The following TTLL7 variants were observed in gnomAD, a reference collection of about 807,000 sequenced individuals.
The protein encoded by TTLL7 is tubulin tyrosine ligase like 7.
In TTLL7, 53 loss-of-function variants were observed where a neutral mutation model predicts 120.2. The observed-to-expected ratio is 0.44, with a 90% CI of 0.35 to 0.55. The LOEUF (loss-of-function observed/expected upper bound fraction) is 0.55, where lower values mean the gene tolerates loss of function less well. TTLL7 is among the 20% of genes least tolerant of loss of function. TTLL7 has a pLI of 0.00. For missense variants in TTLL7, 803 were observed against 1,054.7 expected (o/e 0.76, Z 3.31); for synonymous variants, 353 against 351.7 (o/e 1.00, Z -0.04).
Position 83,867,748 on chromosome 1 carries a change from G to T in TTLL7, c.*2214C>A, listed in dbSNP as rs1259097534. On this transcript the variant is annotated 3_prime_UTR_variant, in exon 21 of 21. Transcript: ENST00000260505. ...ATCAGACACTTATATATATATTTTT[G>T]TGGCCAAATCATGAATTTAAAAGAA... 5.3e-5 allele frequency: 8 copies of T among 151,886 alleles called. 2 individuals carry two copies. The highest frequency in any genetic ancestry group is 1.9e-4 in the African/African-American group (8 of 41,486). 9.4% of individuals were successfully genotyped at this position (151,886 alleles called of 1,614,324 possible). A position where few individuals can be genotyped will look rare whatever the true frequency, so the allele number is the denominator to read the frequency against.
chr1:83,946,549 TTA>T (rs1261535185), intron 6 of TTLL7: 1 of 152,294 alleles, frequency 6.6e-6, no homozygotes, highest in East Asian at 1.9e-4. Flanking sequence ...TGCTATACTT[TTA>T]TATGATTGGC....
intron 1 of TTLL7, chr1:83,980,544 C>T (rs1432936354): frequency 6.6e-6 from 1 of 152,132 alleles, no homozygotes; most frequent in Non-Finnish European, 1.5e-5. Context: ...CTGGCCAAAC[C>T]ATCATTCAGG....
rs549341704 is a variant in TTLL7, at chr1:83,890,514, G to A, written c.2209-33C>T. The A allele has an allele frequency of 7.0e-6, 11 of 1,570,120 alleles. No homozygotes were observed. In the South Asian group the frequency reaches 1.0e-4, roughly 15 times the overall value. ...AAAAACCAAAGTACTTACAATCTAG[G>A]AATGTATATCTGTGTCTAAAATTCA... On this transcript the variant is annotated intron_variant, in intron 18 of 20. Transcript: ENST00000260505.
chr1:83,900,259 T>C, intron 18 of TTLL7: 2 of 333,364 alleles, frequency 6.0e-6, no homozygotes, highest in South Asian at 4.8e-5. Context: ...TAAAAGAGTC[T>C]AGAATGGAAT....
chr1:83,953,542 T>A (rs968074612), intron 1 of TTLL7, among the ~76,000 whole-genome samples: 4 of 152,172 alleles, frequency 2.6e-5, no homozygotes, highest in African/African-American at 7.2e-5. Context: ...TTTACTAAAA[T>A]GATTGTCTAG....
chr1:83,990,543 A>C (rs1652905096), intron 1 of TTLL7, among the ~76,000 whole-genome samples: 1 of 152,216 alleles, frequency 6.6e-6, no homozygotes, highest in African/African-American at 2.4e-5. Flanking sequence ...CTATTTAAAA[A>C]TGGGCTAATG....
At chr1:83,980,379 C>T (rs182356290) in intron 1 of TTLL7, 6 of 152,328 alleles carry the variant, frequency 3.9e-5, no homozygotes, top group African/African-American at 1.4e-4. Flanking sequence ...ATCCTCCCAC[C>T]TCAACTTCCC....
intron 18 of TTLL7, among the ~76,000 whole-genome samples, chr1:83,899,707 T>C (rs603447): frequency 0.78 from 119,003 of 151,732 alleles, 46,951 homozygotes; most frequent in East Asian, 0.89. Flanking sequence ...AACACAATAC[T>C]TTTGATTTAT....
In TTLL7 at chr1:83,921,307, T is replaced by G. The variant is rs1658640861; in HGVS notation, c.1230A>C (p.Leu410Phe). 5.6e-6 allele frequency: 9 copies of G among 1,613,142 alleles called. No individual in the cohort carries two copies. In the East Asian group the frequency reaches 2.0e-4, roughly 36 times the overall value. Reference sequence around the variant, plus strand: ...GCTGTTCCCAGTCTGAGGAGCCTGGTAAGAGCCTTTTAATTGAATTTTGAC... The same window carrying G: ...GCTGTTCCCAGTCTGAGGAGCCTGGGAAGAGCCTTTTAATTGAATTTTGAC... The part of the protein sequence containing the change: ...LYGQNSIKRL[L>F]PGSSDWEQQR... The change falls in exon 11 of 21, where the codon TTA becomes TTC. Residue 410 changes from leucine to phenylalanine, a missense_variant. Leu to Phe is a conservative substitution (Grantham distance 22, BLOSUM62 0). Coordinates refer to ENST00000260505, the MANE Select transcript of TTLL7 (RefSeq NM_024686.6).
chr1:83,983,180 A>T (rs1652129806), intron 1 of TTLL7, among the ~76,000 whole-genome samples: 1 of 152,008 alleles, frequency 6.6e-6, no homozygotes, highest in Admixed American at 6.6e-5. Context: ...AAAAATACAA[A>T]ACGTAACTGG....
chr1:83,977,425 T>C lies in TTLL7; in HGVS notation c.-177+21506A>G, dbSNP rs144911844. 4.0e-3 allele frequency among the ~76,000 whole-genome samples: 613 copies of C among 151,894 alleles called. 3 individuals are homozygous for C. The highest frequency in any genetic ancestry group is 0.014 in the African/African-American group (592 of 41,290). On this transcript the variant is annotated intron_variant, in intron 1 of 20. Coordinates refer to ENST00000260505, the MANE Select transcript of TTLL7 (RefSeq NM_024686.6). ...TTTCTAGTTACAAGTTTATGCAATCTTAAAACATGGAGGAAAAAAAAAATC... is the reference window on the plus strand; with the variant it reads ...TTTCTAGTTACAAGTTTATGCAATCCTAAAACATGGAGGAAAAAAAAAATC...
chr1:83,887,679 AC>A (rs1483029894), intron 19 of TTLL7, among the ~76,000 whole-genome samples: 1 of 152,076 alleles, frequency 6.6e-6, no homozygotes, highest in Non-Finnish European at 1.5e-5. Context: ...AAGCTTGGCA[AC>A]CATTGGCAAA....
At chr1:83,892,300 A>G (rs1334934181) in intron 18 of TTLL7, among the ~76,000 whole-genome samples, 1 of 84,228 alleles carries the variant, frequency 1.2e-5, no homozygotes, top group Admixed American at 1.4e-4. Flanking sequence ...ATATATGAAT[A>G]TATATACGAA....
intron 1 of TTLL7, among the ~76,000 whole-genome samples, chr1:83,962,402 G>A (rs1055247971): frequency 2.6e-5 from 4 of 151,748 alleles, no homozygotes; most frequent in East Asian, 3.9e-4. Context: ...CCAATTTTAC[G>A]GTTTGTATTA....
chr1:83,970,710 G>A (rs1179166344), intron 1 of TTLL7, among the ~76,000 whole-genome samples: 1 of 152,100 alleles, frequency 6.6e-6, no homozygotes, highest in Non-Finnish European at 1.5e-5. Flanking sequence ...GAGGCCCCCA[G>A]AAATAAACCT....
intron 1 of TTLL7, chr1:83,980,329 A>G (rs1234558965): frequency 6.6e-6 from 1 of 152,178 alleles, no homozygotes; most frequent in Middle Eastern, 3.2e-3. Flanking sequence ...CAGAGGCACA[A>G]TCATAGCTCA....
At chr1:83,923,162 T>C (rs1331539058) in intron 10 of TTLL7, among the ~76,000 whole-genome samples, 1 of 144,802 alleles carries the variant, frequency 6.9e-6, no homozygotes, top group African/African-American at 2.6e-5. Flanking sequence ...CATTTTATTA[T>C]ATCTAGAGCA....
chr1:83,891,303 C>T (rs1242543677), intron 18 of TTLL7, among the ~76,000 whole-genome samples: 1 of 151,788 alleles, frequency 6.6e-6, no homozygotes, highest in Admixed American at 6.6e-5. Flanking sequence ...ACATTACAAA[C>T]AGGCATTTCA....
At chr1:83,939,619 T>C (rs1266999666) in intron 7 of TTLL7, among the ~76,000 whole-genome samples, 1 of 152,110 alleles carries the variant, frequency 6.6e-6, no homozygotes, top group Non-Finnish European at 1.5e-5. Flanking sequence ...GCCCACCCTG[T>C]TTTTCAGCGT....
Sources: gnomAD v4.1 joint callset for allele counts (sites outside exome capture counted in the v4.1 genomes callset) on GRCh38, gnomAD v4.1.1 for gene constraint, MANE v1.5 for transcripts, NCBI Gene and HGNC (gene_info 2026-07-23, HGNC 2026-07-21) for gene names.